ANKH: variants seen among roughly 807,000 people sequenced by gnomAD.
ANKH encodes the protein mineralization regulator ANKH.
ANKH carries 15 observed loss-of-function variants against 49.0 expected under a neutral mutation model. That is an observed-to-expected ratio of 0.31 (90% CI 0.20 to 0.47). The LOEUF is 0.47. Ranked by LOEUF, ANKH falls within the 20% of genes least tolerant of loss-of-function variation. ANKH has a pLI of 1.00. For synonymous variants in ANKH, 273 were observed against 260.0 expected (o/e 1.05, Z -0.48); for missense variants, 429 against 652.0 (o/e 0.66, Z 3.72).
intron 1 of ANKH, among the ~76,000 whole-genome samples, chr5:14,858,442 T>G (rs746914297): frequency 2.0e-5 from 3 of 152,096 alleles, no homozygotes; most frequent in Admixed American, 6.6e-5. Flanking sequence ...TAGTGCCAGA[T>G]GTGGTGGCTC....
chr5:14,740,073 A>G (rs75198930), intron 8 of ANKH, among the ~76,000 whole-genome samples: 1,551 of 152,306 alleles, frequency 0.01, 34 homozygotes, highest in African/African-American at 0.035. Context: ...CCAATCCGGT[A>G]AAGCTCTCCA....
intron 8 of ANKH, among the ~76,000 whole-genome samples, chr5:14,720,189 T>G (rs1737616118): frequency 6.6e-6 from 1 of 152,230 alleles, no homozygotes; most frequent in Non-Finnish European, 1.5e-5. Flanking sequence ...ACGTATTTTC[T>G]GCATCTGGCA....
intron 6 of ANKH, among the ~76,000 whole-genome samples, chr5:14,746,290 CTT>C (rs3086709): frequency 2.1e-5 from 3 of 144,382 alleles, no homozygotes; most frequent in African/African-American, 7.6e-5. Context: ...GCCAAGATTC[CTT>C]TTTTTTTTTT....
At chr5:14,814,087 A>T (rs1380837308) in intron 1 of ANKH, among the ~76,000 whole-genome samples, 1 of 152,300 alleles carries the variant, frequency 6.6e-6, no homozygotes, top group Middle Eastern at 3.4e-3. Context: ...CATCCTCGAG[A>T]CAGCGTTCCA....
At chr5:14,821,751 C>G (rs1741202384) in intron 1 of ANKH, among the ~76,000 whole-genome samples, 1 of 152,188 alleles carries the variant, frequency 6.6e-6, no homozygotes, top group Non-Finnish European at 1.5e-5. Context: ...TCTGCCGCAT[C>G]CCATCCATGT....
chr5:14,858,758 TA>T (rs199637433), intron 1 of ANKH, among the ~76,000 whole-genome samples: 13,606 of 70,726 alleles, frequency 0.19, 803 homozygotes, highest in East Asian at 0.25. Context: ...AATAAATAAA[TA>T]AAATAAAATA....
chr5:14,718,840 A>AC lies in ANKH; in HGVS notation c.1012-2006_1012-2005insG, dbSNP rs1491484405. Among the ~76,000 whole-genome samples, 436 of 91,498 alleles carry AC rather than the reference A, an allele frequency of 4.8e-3. 9 individuals carry two copies. The highest frequency in any genetic ancestry group is 0.016 in the African/African-American group (414 of 25,900). The allele number at this position is 91,498 out of a possible 152,430, so 60.0% of individuals were successfully genotyped here. The stretch of plus-strand genomic sequence containing the variant: ...ATCCTCCCAACACCACCCCCCCCCC[A>AC]AAAAAAAAAGACATAGAAAAAGATA... On this transcript the variant is annotated intron_variant, in intron 8 of 11. Transcript: ENST00000284268.
intron 1 of ANKH, among the ~76,000 whole-genome samples, chr5:14,810,756 CTTTCTG>C (rs1740856259): frequency 6.6e-6 from 1 of 152,148 alleles, no homozygotes; most frequent in Non-Finnish European, 1.5e-5. Flanking sequence ...TCAGGATGAA[CTTTCTG>C]TTTCTATGTT....
chr5:14,765,597 G>C (rs1739234582), intron 2 of ANKH, among the ~76,000 whole-genome samples: 1 of 151,796 alleles, frequency 6.6e-6, no homozygotes, highest in African/African-American at 2.4e-5. Flanking sequence ...TAGCTCAATA[G>C]CGGGGTCAAG....
chr5:14,798,416 CG>C (rs1740458657), intron 1 of ANKH: 3 of 1,551,054 alleles, frequency 1.9e-6, no homozygotes, highest in Admixed American at 1.9e-5. Context: ...GCAGGCGAGC[CG>C]GGGGAATCCT....
intron 2 of ANKH, chr5:14,768,629 CTTAAGAT>C (rs1369685968): frequency 1.8e-5 from 6 of 330,054 alleles, no homozygotes; most frequent in Non-Finnish European, 3.4e-5. Flanking sequence ...TATTTTTATT[CTTAAGAT>C]TTAATGACCC....
chr5:14,718,152 A>G (rs954894723), intron 8 of ANKH, among the ~76,000 whole-genome samples: 1 of 152,176 alleles, frequency 6.6e-6, no homozygotes, highest in African/African-American at 2.4e-5. Context: ...GCACTTGAGC[A>G]GCCATCAGTG....
At chr5:14,757,428 A>ATTTTTT (rs1482943564) in intron 3 of ANKH, among the ~76,000 whole-genome samples, 1 of 128,126 alleles carries the variant, frequency 7.8e-6, no homozygotes, top group Non-Finnish European at 1.6e-5. Context: ...ATATATATAT[A>ATTTTTT]TATTTTTTTT....
chr5:14,798,038 G>T, intron 1 of ANKH: 1 of 1,582,184 alleles, frequency 6.3e-7, no homozygotes, highest in Non-Finnish European at 8.7e-7. Flanking sequence ...CTTCATGGTT[G>T]ATCTTGATTT....
At position 14,722,566 on chromosome 5, in the gene ANKH, G is replaced by A. The variant is rs114284506; in HGVS notation, c.1012-5731C>T. 2.8e-3 allele frequency among the ~76,000 whole-genome samples: 430 copies of A among 152,320 alleles called. 3 individuals are homozygous for A. Among genetic ancestry groups the A allele is most frequent in the African/African-American group, 0.01 (416 of 41,572 alleles). On this transcript the variant is annotated intron_variant, in intron 8 of 11. Coordinates refer to ENST00000284268, the MANE Select transcript of ANKH (RefSeq NM_054027.6). ...GGGAACACGGCAAAGGGACACAGAA[G>A]CCAGGCAGAAGGAGCTTCCGAATGG...
chr5:14,732,641 A>G (rs1272862002), intron 8 of ANKH, among the ~76,000 whole-genome samples: 1 of 152,272 alleles, frequency 6.6e-6, no homozygotes, highest in African/African-American at 2.4e-5. Context: ...CATTCTTTGC[A>G]TATAGCACAT....
intron 1 of ANKH, among the ~76,000 whole-genome samples, chr5:14,837,407 G>A (rs976471889): frequency 6.6e-6 from 1 of 152,172 alleles, no homozygotes; most frequent in East Asian, 1.9e-4. Context: ...AATCTACAAA[G>A]AACTTAAACA....
At chr5:14,811,816 G>A (rs73050665) in intron 1 of ANKH, among the ~76,000 whole-genome samples, 79 of 152,248 alleles carry the variant, frequency 5.2e-4, no homozygotes, top group African/African-American at 1.8e-3. Context: ...AGCCATGGGG[G>A]CAAGGATGTC....
In ANKH at chr5:14,709,887, CAT is replaced by C. The variant is rs1247429294; in HGVS notation, c.*1308_*1309del. 6.6e-6 allele frequency: 1 copy of C among 152,578 alleles called. No homozygotes were observed. Among genetic ancestry groups the C allele is most frequent in the African/African-American group, 2.4e-5 (1 of 41,420 alleles). 9.5% of individuals were successfully genotyped at this position (152,578 alleles called of 1,614,324 possible). ...TTATAGCCTAAAATAAATTACATAA[CAT>C]ATACAGCATATATTTATATCTTTAA... On this transcript the variant is annotated 3_prime_UTR_variant, in exon 12 of 12. Coordinates refer to ENST00000284268, the MANE Select transcript of ANKH (RefSeq NM_054027.6).
Sources: allele counts gnomAD v4.1 joint callset (sites outside exome capture counted in the v4.1 genomes callset), GRCh38; gene constraint gnomAD v4.1.1; transcripts MANE v1.5; gene names NCBI Gene and HGNC (gene_info 2026-07-23, HGNC 2026-07-21).